The following PHACTR3 variants were observed in gnomAD, a reference collection of about 807,000 sequenced individuals.
The protein encoded by PHACTR3 is protein phosphatase 1, regulatory subunit 123.
In PHACTR3, 16 loss-of-function variants were observed where a neutral mutation model predicts 66.8. The ratio of observed to expected loss-of-function variants is 0.24; its 90% CI spans 0.16 to 0.36. The LOEUF (loss-of-function observed/expected upper bound fraction) is 0.36, where lower values mean the gene tolerates loss of function less well. PHACTR3 is among the 10% of genes least tolerant of loss of function. The pLI, the probability that PHACTR3 is intolerant of heterozygous loss-of-function variation, is 1.00. For missense variants in PHACTR3, 647 were observed against 719.9 expected (o/e 0.90, Z 1.16); for synonymous variants, 323 against 292.1 (o/e 1.11, Z -1.08).
intron 8 of PHACTR3, among the ~76,000 whole-genome samples, chr20:59,822,930 T>C (rs1302287438): frequency 6.6e-6 from 1 of 151,846 alleles, no homozygotes; most frequent in Admixed American, 6.6e-5. Context: ...AGCCCAGAGA[T>C]GGAGATGGGG....
chr20:59,800,384 T>C (rs1179994813), intron 7 of PHACTR3, among the ~76,000 whole-genome samples: 1 of 152,126 alleles, frequency 6.6e-6, no homozygotes, highest in Non-Finnish European at 1.5e-5. Context: ...TCCAAGAAGG[T>C]ACTTATTTTG....
At chr20:59,780,736 T>C (rs1182507) in intron 7 of PHACTR3, among the ~76,000 whole-genome samples, 143,101 of 152,252 alleles carry the variant, frequency 0.94, 67,398 homozygotes, top group East Asian at 1. Flanking sequence ...TAGAGAGACT[T>C]GCTGCAGGAT....
intron 7 of PHACTR3, among the ~76,000 whole-genome samples, chr20:59,799,539 A>G (rs112340820): frequency 2.0e-5 from 3 of 152,144 alleles, no homozygotes; most frequent in Non-Finnish European, 4.4e-5. Context: ...CTTTTCAAAG[A>G]ACCTGATGAG....
At chr20:59,592,791 A>G (rs1380974788) in intron 1 of PHACTR3, among the ~76,000 whole-genome samples, 15 of 152,026 alleles carry the variant, frequency 9.9e-5, no homozygotes, top group Non-Finnish European at 1.3e-4. Flanking sequence ...AGCAATATGC[A>G]TTTACATTTC....
chr20:59,743,782 C>A (rs1017238498), intron 2 of PHACTR3, among the ~76,000 whole-genome samples: 1 of 152,162 alleles, frequency 6.6e-6, no homozygotes, highest in Non-Finnish European at 1.5e-5. Flanking sequence ...GGGTTGAGGC[C>A]GTCGGTTTGG....
chr20:59,577,964 C>T (rs55966418), intron 1 of PHACTR3, among the ~76,000 whole-genome samples: 5,663 of 152,396 alleles, frequency 0.037, 176 homozygotes, highest in Middle Eastern at 0.065. Context: ...GCCTCAGTTT[C>T]TGCATCTGTG....
chr20:59,583,260 G>T (rs911307907), intron 1 of PHACTR3, among the ~76,000 whole-genome samples: 1 of 152,188 alleles, frequency 6.6e-6, no homozygotes, highest in African/African-American at 2.4e-5. Flanking sequence ...GTTGATTCTG[G>T]TGGGGATTCC....
intron 4 of PHACTR3, among the ~76,000 whole-genome samples, chr20:59,759,102 C>T (rs1301262951): frequency 2.0e-5 from 3 of 152,132 alleles, no homozygotes; most frequent in Non-Finnish European, 4.4e-5. Flanking sequence ...ACAGATGCTC[C>T]CAGAGAGGCC....
At chr20:59,710,469 A>C (rs1015630706) in intron 1 of PHACTR3, among the ~76,000 whole-genome samples, 1 of 152,178 alleles carries the variant, frequency 6.6e-6, no homozygotes, top group Non-Finnish European at 1.5e-5. Context: ...TAACCAGCAA[A>C]ATGGGGACCA....
intron 1 of PHACTR3, among the ~76,000 whole-genome samples, chr20:59,582,798 G>T (rs898590941): frequency 1.3e-5 from 2 of 152,052 alleles, no homozygotes; most frequent in African/African-American, 4.8e-5. Flanking sequence ...GAGCGCCGTC[G>T]ATCTGATCTG....
intron 1 of PHACTR3, among the ~76,000 whole-genome samples, chr20:59,735,346 A>C (rs567491424): frequency 6.6e-6 from 1 of 152,244 alleles, no homozygotes; most frequent in East Asian, 1.9e-4. Context: ...TGGGTTTGTG[A>C]GTGAATGAAT....
In PHACTR3 at chr20:59,755,260, C is replaced by T. The variant is rs747934926; in HGVS notation, c.437C>T (p.Thr146Met). The T allele has an allele frequency of 3.7e-5, 60 of 1,613,818 alleles. No homozygotes were observed. The Middle Eastern group carries it at 4.9e-4, about 13-fold the overall frequency. ...GAACCACCCACTCCCAAGTCGGAGA[C>T]GCTGACTTCAGAAGATGCCCAGCCC... The part of the protein sequence containing the change: ...QSEPPTPKSE[T>M]LTSEDAQPGS... The change falls in exon 4 of 13, where the codon ACG (threonine) becomes ATG (methionine). Residue 146 changes from threonine (T) to methionine (M), a missense_variant. Coordinates refer to ENST00000371015, the MANE Select transcript of PHACTR3 (RefSeq NM_080672.5).
At chr20:59,622,253 G>T (rs1412978825) in intron 1 of PHACTR3, among the ~76,000 whole-genome samples, 1 of 151,906 alleles carries the variant, frequency 6.6e-6, no homozygotes, top group Non-Finnish European at 1.5e-5. Context: ...GGAGCTGGGT[G>T]CCTGGAAGCT....
chr20:59,582,219 G>T (rs534420729), intron 1 of PHACTR3, among the ~76,000 whole-genome samples: 5 of 152,280 alleles, frequency 3.3e-5, no homozygotes, highest in African/African-American at 1.2e-4. Flanking sequence ...TAAAGAAATG[G>T]CATCACACAG....
At chr20:59,588,626 T>C (rs2146308752) in intron 1 of PHACTR3, among the ~76,000 whole-genome samples, 1 of 152,286 alleles carries the variant, frequency 6.6e-6, no homozygotes. Flanking sequence ...CCTCCCGCCA[T>C]CTTCCCGGTA....
chr20:59,591,403 G>A (rs2033178415), intron 1 of PHACTR3, among the ~76,000 whole-genome samples: 1 of 152,188 alleles, frequency 6.6e-6, no homozygotes, highest in African/African-American at 2.4e-5. Context: ...CTCTGGCCTT[G>A]GCCTCCACAT....
chr20:59,621,552 C>G (rs2034240641), intron 1 of PHACTR3, among the ~76,000 whole-genome samples: 1 of 152,258 alleles, frequency 6.6e-6, no homozygotes, highest in Non-Finnish European at 1.5e-5. Flanking sequence ...TTGCCTCCTT[C>G]CTGTCTTTCT....
At chr20:59,814,789 CT>C (rs1173759273) in intron 8 of PHACTR3, among the ~76,000 whole-genome samples, 4 of 152,076 alleles carry the variant, frequency 2.6e-5, no homozygotes, top group Non-Finnish European at 5.9e-5. Context: ...CAGTGTTAAG[CT>C]TTTTTTAAAA....
intron 3 of PHACTR3, among the ~76,000 whole-genome samples, chr20:59,751,377 A>G (rs864184): frequency 0.76 from 115,657 of 152,018 alleles, 44,105 homozygotes; most frequent in Middle Eastern, 0.8. Context: ...CAGGGACTCC[A>G]GAGCCTCATT....
Sources: allele counts gnomAD v4.1 joint callset (sites outside exome capture counted in the v4.1 genomes callset), GRCh38; gene constraint gnomAD v4.1.1; transcripts MANE v1.5; gene names NCBI Gene and HGNC (gene_info 2026-07-23, HGNC 2026-07-21).